ATP13A4: variants seen among roughly 807,000 people sequenced by gnomAD.
ATP13A4 encodes ATPase 13A4.
ATP13A4 carries 114 observed loss-of-function variants against 142.5 expected under a neutral mutation model. The observed-to-expected ratio is 0.80, with a 90% CI of 0.69 to 0.93. The LOEUF is 0.93. ATP13A4 is among the 40% of genes least tolerant of loss of function. The pLI, the probability that ATP13A4 is intolerant of heterozygous loss-of-function variation, is 0.00. For synonymous variants in ATP13A4, 488 were observed against 514.8 expected (o/e 0.95, Z 0.70); for missense variants, 1,392 against 1,454.0 (o/e 0.96, Z 0.69).
chr3:193,401,156 T>C lies in ATP13A4; in HGVS notation c.*1496A>G, dbSNP rs1450556335. On this transcript the variant is annotated 3_prime_UTR_variant, in exon 30 of 30. Transcript: ENST00000342695. ...CTATTGATAAGTTCCAAAGCCAGCC[T>C]GGGCCAGGACACTTATCCCCTGATC... 2.0e-5 allele frequency among the ~76,000 whole-genome samples: 3 copies of C among 152,194 alleles called. No individual in the cohort carries two copies. Among genetic ancestry groups the C allele is most frequent in the Non-Finnish European group, 2.9e-5 (2 of 68,038 alleles).
chr3:193,476,054 G>C (rs1194502461), intron 8 of ATP13A4, among the ~76,000 whole-genome samples: 1 of 151,978 alleles, frequency 6.6e-6, no homozygotes, highest in African/African-American at 2.4e-5. Flanking sequence ...ACTTGAATTG[G>C]AAATTATAAG....
intron 1 of ATP13A4, among the ~76,000 whole-genome samples, chr3:193,528,356 G>C (rs904830295): frequency 1.3e-5 from 2 of 152,202 alleles, no homozygotes; most frequent in Non-Finnish European, 2.9e-5. Context: ...GCACAGCCTT[G>C]TGGAAGGTTT....
chr3:193,547,354 T>C (rs1467971213), intron 1 of ATP13A4, among the ~76,000 whole-genome samples: 1 of 152,204 alleles, frequency 6.6e-6, no homozygotes, highest in Admixed American at 6.5e-5. Flanking sequence ...CATTGTGTCA[T>C]CCAGGCTGGC....
chr3:193,472,614 G>A (rs761325517), intron 8 of ATP13A4, among the ~76,000 whole-genome samples: 6 of 152,208 alleles, frequency 3.9e-5, no homozygotes, highest in African/African-American at 1.2e-4. Flanking sequence ...TTAGTTGTGC[G>A]TCGCACCTCA....
At chr3:193,542,686 C>T (rs1432861573) in intron 1 of ATP13A4, among the ~76,000 whole-genome samples, 1 of 152,146 alleles carries the variant, frequency 6.6e-6, no homozygotes, top group Non-Finnish European at 1.5e-5. Context: ...ACATCTACGT[C>T]CACCTGATCT....
At chr3:193,476,804 T>C (rs962770721) in intron 8 of ATP13A4, among the ~76,000 whole-genome samples, 1 of 151,920 alleles carries the variant, frequency 6.6e-6, no homozygotes, top group African/African-American at 2.4e-5. Flanking sequence ...GAATGGCCAG[T>C]TGGTGAACAT....
At chr3:193,485,716 A>G (rs1308509394) in intron 7 of ATP13A4, among the ~76,000 whole-genome samples, 1 of 152,122 alleles carries the variant, frequency 6.6e-6, no homozygotes, top group Non-Finnish European at 1.5e-5. Flanking sequence ...GGCCTTTGAA[A>G]GGTGATTAGG....
In ATP13A4 at chr3:193,454,207, T is replaced by C. The variant is rs78695718; in HGVS notation, c.1921A>G (p.Thr641Ala). Residue 641 changes from threonine (T) to alanine (A), a missense_variant, in exon 17 of 30, where the codon ACT (threonine) becomes GCT (alanine). Transcript: ENST00000342695. ...ASFCQPETVP[T>A]SFVSELQIYT... is the part of the protein sequence containing the mutation. ...ATCTGAAGTTCGCTAACAAAACTAG[T>C]GGGTACTGTTTAGAAAGAAACACAG... 1,002 of 1,608,634 alleles carry C rather than the reference T, an allele frequency of 6.2e-4. 8 individuals carry two copies. The African/African-American group carries it at 0.012, about 20-fold the overall frequency.
At chr3:193,571,596 T>A (rs1254839629) in intron 2 of ATP13A4, among the ~76,000 whole-genome samples, 1 of 152,206 alleles carries the variant, frequency 6.6e-6, no homozygotes, top group Non-Finnish European at 1.5e-5. Context: ...GTGATAAGCA[T>A]GGCACTTTAC....
At chr3:193,521,061 G>C (rs1721688373) in intron 1 of ATP13A4, among the ~76,000 whole-genome samples, 1 of 152,188 alleles carries the variant, frequency 6.6e-6, no homozygotes, top group African/African-American at 2.4e-5. Flanking sequence ...TCGTAAAAAT[G>C]CTTCTGTGCT....
intron 25 of ATP13A4, 23 bp from the exon 26 acceptor site, chr3:193,414,773 A>G (rs571915751): frequency 6.2e-7 from 1 of 1,611,270 alleles, no homozygotes; most frequent in South Asian, 1.1e-5. Flanking sequence ...TTCGAATTTT[A>G]TATTTATGAG....
At chr3:193,550,995 T>C (rs750284806) in intron 1 of ATP13A4, among the ~76,000 whole-genome samples, 3 of 152,220 alleles carry the variant, frequency 2.0e-5, no homozygotes, top group Non-Finnish European at 4.4e-5. Context: ...GACATTCTCA[T>C]ACTCTCACTT....
chr3:193,420,141 TCTCCCTG>T (rs1204883611), intron 25 of ATP13A4, among the ~76,000 whole-genome samples: 1 of 149,288 alleles, frequency 6.7e-6, no homozygotes, highest in Non-Finnish European at 1.5e-5. Context: ...CTCTCTAAGG[TCTCCCTG>T]CTATAACCCA....
chr3:193,413,623 C>T (rs373675811), intron 26 of ATP13A4, among the ~76,000 whole-genome samples: 13 of 152,150 alleles, frequency 8.5e-5, no homozygotes, highest in East Asian at 3.9e-4. Flanking sequence ...AATAAATGGC[C>T]GCTCTGGGAG....
At position 193,407,412 on chromosome 3, in the gene ATP13A4, GCA is replaced by G. The variant is rs1714552844; in HGVS notation, c.3298-21_3298-20del. 6.3e-7 allele frequency: 1 copy of G among 1,588,372 alleles called. No individual in the cohort carries two copies. Among genetic ancestry groups the G allele is most frequent in the Non-Finnish European group, 8.6e-7 (1 of 1,157,004 alleles). On this transcript the variant is annotated intron_variant, in intron 28 of 29. Coordinates refer to ENST00000342695, the MANE Select transcript of ATP13A4 (RefSeq NM_032279.4). ...AGAGCAGCTGGCGGGAGATGATGAA[GCA>G]CAGTTAGTCTGAAGACACGCAGATG... is the stretch of plus-strand genomic sequence containing the variant.
Position 193,466,720 on chromosome 3 carries a change from A to C in ATP13A4, c.1115-538T>G, listed in dbSNP as rs560690378. On this transcript the variant is annotated intron_variant, in intron 10 of 29. Transcript: ENST00000342695. ...TTGTGTGGCCTCAGCCTATTCATGG[A>C]CATAGCAGAAACAGTAAGCATCTCT... Among the ~76,000 whole-genome samples, 8 of 152,312 alleles carry C rather than the reference A, an allele frequency of 5.3e-5. No individual in the cohort carries two copies. In the South Asian group the frequency reaches 1.7e-3, roughly 32 times the overall value.
intron 17 of ATP13A4, 96 bp from the exon 18 acceptor site, chr3:193,448,426 C>G: frequency 6.7e-7 from 1 of 1,501,308 alleles, no homozygotes; most frequent in Non-Finnish European, 9.1e-7. Flanking sequence ...GGCTGGAGGA[C>G]AGTGGTTCAA....
intron 2 of ATP13A4, among the ~76,000 whole-genome samples, chr3:193,561,437 A>G (rs1724014693): frequency 6.6e-6 from 1 of 152,220 alleles, no homozygotes; most frequent in African/African-American, 2.4e-5. Context: ...TTCATCAGCA[A>G]GTAAGATGCT....
chr3:193,399,624 G>A lies in ATP13A4; in HGVS notation c.*3028C>T, dbSNP rs892064261. On this transcript the variant is annotated 3_prime_UTR_variant, in exon 30 of 30. Transcript: ENST00000342695. Reference sequence around the variant, plus strand: ...GGCACTTTGGGAGGCCGAGGCGGGCGGATCACGAGGTCAGGAGATTGAAAC... The same window carrying A: ...GGCACTTTGGGAGGCCGAGGCGGGCAGATCACGAGGTCAGGAGATTGAAAC... Among the ~76,000 whole-genome samples, 10 of 151,956 alleles carry A rather than the reference G, an allele frequency of 6.6e-5. No homozygotes were observed. The highest frequency in any genetic ancestry group is 1.9e-4 in the East Asian group (1 of 5,158).
Sources: allele counts gnomAD v4.1 joint callset (sites outside exome capture counted in the v4.1 genomes callset), GRCh38; gene constraint gnomAD v4.1.1; transcripts MANE v1.5; gene names NCBI Gene and HGNC (gene_info 2026-07-23, HGNC 2026-07-21).